Variants in CEP57L1 observed in about 807,000 individuals in gnomAD.
CEP57L1 encodes centrosomal protein CEP57L1.
Under a neutral mutation model 61.0 loss-of-function variants are expected in CEP57L1, and 37 were observed. The ratio of observed to expected loss-of-function variants is 0.61; its 90% CI spans 0.47 to 0.80. The LOEUF is 0.80. CEP57L1 is among the 30% of genes least tolerant of loss of function. The pLI is 0.00. For synonymous variants in CEP57L1, 137 were observed against 162.3 expected (o/e 0.84, Z 1.19); for missense variants, 422 against 524.7 (o/e 0.80, Z 1.91).
rs1781588125 is a variant in CEP57L1, at chr6:109,095,567, G to A, written c.-12G>A. Reference sequence around the variant, plus strand: ...GCGGTGGCAGGGGCTGACTGAGAGCGTCTGCTTGGTAAGCACTGTAAGCTG... The same window carrying A: ...GCGGTGGCAGGGGCTGACTGAGAGCATCTGCTTGGTAAGCACTGTAAGCTG... On this transcript the variant is annotated 5_prime_UTR_variant, in exon 1 of 11. Coordinates refer to ENST00000517392, the MANE Select transcript of CEP57L1 (RefSeq NM_001271852.3). The A allele has an allele frequency of 2.0e-6, 2 of 985,712 alleles. No homozygotes were observed. Among genetic ancestry groups the A allele is most frequent in the African/African-American group, 1.7e-5 (1 of 57,232 alleles). 61.1% of individuals were successfully genotyped at this position (985,712 alleles called of 1,614,324 possible). A position where few individuals can be genotyped will look rare whatever the true frequency, so the allele number is the denominator to read the frequency against.
rs963188888 is a variant in CEP57L1, at chr6:109,166,772, G to A, written c.*3802G>A. 6.6e-6 allele frequency among the ~76,000 whole-genome samples: 1 copy of A among 152,096 alleles called. No homozygotes were observed. Among genetic ancestry groups the A allele is most frequent in the Non-Finnish European group, 1.5e-5 (1 of 68,010 alleles). On this transcript the variant is annotated 3_prime_UTR_variant, in exon 11 of 11. Coordinates refer to ENST00000517392, the MANE Select transcript of CEP57L1 (RefSeq NM_001271852.3). ...AGAAATCAATCTAAGGGGGGAAGAG[G>A]CCAGTTGGTTATGCACAATGGAAGG...
intron 1 of CEP57L1, among the ~76,000 whole-genome samples, chr6:109,108,999 G>C (rs959042441): frequency 3.9e-5 from 6 of 152,124 alleles, no homozygotes; most frequent in African/African-American, 1.4e-4. Flanking sequence ...TAATAGGAGA[G>C]TCTCTTTCTC....
chr6:109,134,714 G>A (rs1423287630), intron 1 of CEP57L1, among the ~76,000 whole-genome samples: 1 of 152,168 alleles, frequency 6.6e-6, no homozygotes, highest in African/African-American at 2.4e-5. Flanking sequence ...CTTCAGCAAA[G>A]TCTCAGGATA....
In CEP57L1 at chr6:109,151,493, T is replaced by C. The variant is rs553693896; in HGVS notation, c.462+1254T>C. On this transcript the variant is annotated intron_variant, in intron 4 of 10. Transcript: ENST00000517392. ...CTTCCTCTTATTCCCCTTTGTGCTA[T>C]AGTTTTCATACATTTTATTTCTGCA... Among the ~76,000 whole-genome samples, 13 of 152,320 alleles carry C rather than the reference T, an allele frequency of 8.5e-5. No individual in the cohort carries two copies. In the South Asian group the frequency reaches 2.7e-3, roughly 32 times the overall value.
chr6:109,143,583 T>G (rs1393057236), intron 1 of CEP57L1, among the ~76,000 whole-genome samples: 2 of 152,150 alleles, frequency 1.3e-5, no homozygotes, highest in African/African-American at 4.8e-5. Context: ...GTCTACACAT[T>G]TAATTTAAAT....
intron 3 of CEP57L1, among the ~76,000 whole-genome samples, chr6:109,149,259 C>T (rs928014986): frequency 5.5e-4 from 84 of 152,274 alleles, no homozygotes; most frequent in Non-Finnish European, 2.9e-5. Flanking sequence ...TTAGGTCTAA[C>T]GTTTAAGTCT....
intron 1 of CEP57L1, among the ~76,000 whole-genome samples, chr6:109,097,571 A>G (rs1354905734): frequency 2.0e-5 from 3 of 152,122 alleles, no homozygotes; most frequent in Non-Finnish European, 2.9e-5. Context: ...AGTCCCTTTT[A>G]TATAACAGGA....
chr6:109,130,077 A>G (rs1265560075), intron 1 of CEP57L1, among the ~76,000 whole-genome samples: 1 of 152,144 alleles, frequency 6.6e-6, no homozygotes, highest in Non-Finnish European at 1.5e-5. Context: ...GGCTTTCTGC[A>G]TATGCTTTTG....
chr6:109,163,010 G>A lies in CEP57L1; in HGVS notation c.*40G>A. The A allele has an allele frequency of 7.7e-7, 1 of 1,291,632 alleles. No homozygotes were observed. Among genetic ancestry groups the A allele is most frequent in the Non-Finnish European group, 1.1e-6 (1 of 894,130 alleles). 80.0% of individuals were successfully genotyped at this position (1,291,632 alleles called of 1,614,324 possible). A position where few individuals can be genotyped will look rare whatever the true frequency, so the allele number is the denominator to read the frequency against. On this transcript the variant is annotated 3_prime_UTR_variant, in exon 11 of 11. Coordinates refer to ENST00000517392, the MANE Select transcript of CEP57L1 (RefSeq NM_001271852.3). ...TGTCACCTTAATGAACTTTGTCAGT[G>A]AGACCTTGAATTGTCTAAAGTGGTT...
rs113248477 is a variant in CEP57L1, at chr6:109,173,424, CTT to C, written c.*10469_*10470del. On this transcript the variant is annotated 3_prime_UTR_variant, in exon 11 of 11. Transcript: ENST00000517392. ...CCCCCTCAGCCCGCCCCCTACCTTT[CTT>C]TTTTTTTTTTTTTTCTTTTCAGGGT... 0.02 allele frequency among the ~76,000 whole-genome samples: 2,729 copies of C among 133,620 alleles called. 82 individuals are homozygous for C. The highest frequency in any genetic ancestry group is 0.071 in the African/African-American group (2,564 of 36,216). 87.7% of individuals were successfully genotyped at this position (133,620 alleles called of 152,430 possible). A position where few individuals can be genotyped will look rare whatever the true frequency, so the allele number is the denominator to read the frequency against.
In CEP57L1 at chr6:109,145,309, C is replaced by T; in HGVS notation, c.88C>T (p.Pro30Ser). The T allele has an allele frequency of 6.2e-7, 1 of 1,609,864 alleles. No individual in the cohort carries two copies. The highest frequency in any genetic ancestry group is 8.5e-7 in the Non-Finnish European group (1 of 1,176,758). Residue 30 changes from proline (P) to serine (S), a missense_variant, in exon 2 of 11, where the codon CCA becomes TCA. By Grantham distance (74) the Pro-to-Ser change is moderately conservative. Coordinates refer to ENST00000517392, the MANE Select transcript of CEP57L1 (RefSeq NM_001271852.3). ...VFVPSFTQNE[P>S]SQNCHPANLE... ...TGTTCCCTCATTCACCCAGAATGAA[C>T]CATCTCAGAATTGCCATCCTGCAAA...
chr6:109,146,700 T>TGATTGTGA, intron 2 of CEP57L1, 58 bp from the exon 3 acceptor site: 1 of 1,138,428 alleles, frequency 8.8e-7, no homozygotes, highest in Non-Finnish European at 1.2e-6. Flanking sequence ...TATGTTACTT[T>TGATTGTGA]GATTGTAAGT....
At chr6:109,148,413 C>A (rs1418209039) in intron 3 of CEP57L1, among the ~76,000 whole-genome samples, 3 of 152,132 alleles carry the variant, frequency 2.0e-5, no homozygotes, top group African/African-American at 7.2e-5. Context: ...ATGATGATTT[C>A]TGATTTCATC....
intron 4 of CEP57L1, among the ~76,000 whole-genome samples, chr6:109,151,066 G>A (rs1378297127): frequency 6.6e-6 from 1 of 152,130 alleles, no homozygotes; most frequent in Non-Finnish European, 1.5e-5. Context: ...ATAATGCTTT[G>A]TATGGTTTAA....
intron 1 of CEP57L1, among the ~76,000 whole-genome samples, chr6:109,101,704 T>C (rs1782438096): frequency 6.7e-6 from 1 of 148,748 alleles, no homozygotes; most frequent in Admixed American, 6.7e-5. Context: ...CACTGCAAAC[T>C]CCGCTGCCGG....
rs914825814 is a variant in CEP57L1, at chr6:109,147,390, G to A, written c.340+453G>A. On this transcript the variant is annotated intron_variant, in intron 3 of 10. Coordinates refer to ENST00000517392, the MANE Select transcript of CEP57L1 (RefSeq NM_001271852.3). ...AAGAATTTTATTTAATGAGAGGAAAGCAAGGTTAATTAGAAGACATAGGCA... is the reference window on the plus strand; with the variant it reads ...AAGAATTTTATTTAATGAGAGGAAAACAAGGTTAATTAGAAGACATAGGCA... 3.3e-5 allele frequency among the ~76,000 whole-genome samples: 5 copies of A among 152,134 alleles called. No homozygotes were observed. In the East Asian group the frequency reaches 9.6e-4, roughly 29 times the overall value.
chr6:109,141,975 CT>C (rs1438145452), intron 1 of CEP57L1, among the ~76,000 whole-genome samples: 2 of 152,172 alleles, frequency 1.3e-5, no homozygotes, highest in African/African-American at 4.8e-5. Context: ...TGACTGCCCC[CT>C]AATGTCGTCT....
intron 1 of CEP57L1, among the ~76,000 whole-genome samples, chr6:109,132,464 T>A (rs1774300373): frequency 6.6e-6 from 1 of 152,196 alleles, no homozygotes; most frequent in Non-Finnish European, 1.5e-5. Context: ...TCATTGTCTT[T>A]GTTAGGACAT....
chr6:109,146,784 C>T lies in CEP57L1; in HGVS notation c.187C>T (p.Gln63Ter). 6.3e-7 allele frequency: 1 copy of T among 1,575,652 alleles called. No homozygotes were observed. The highest frequency in any genetic ancestry group is 1.4e-5 in the African/African-American group (1 of 72,238). Reference protein sequence around the residue: ...QALILALKTLQEKIHRLELER... With the variant: ...QALILALKTL ...TCTTATTTTAGCCTTAAAAACTCTT[C>T]AGGAAAAAATTCATCGTTTAGAGCT... The change falls in exon 3 of 11, where the codon CAG becomes TAG. Residue 63 changes from glutamine to a stop codon, truncating the protein, a stop_gained. Coordinates refer to ENST00000517392, the MANE Select transcript of CEP57L1 (RefSeq NM_001271852.3). LOFTEE classifies it high-confidence loss of function.
Sources: gnomAD v4.1 joint callset for allele counts (sites outside exome capture counted in the v4.1 genomes callset) on GRCh38, gnomAD v4.1.1 for gene constraint, MANE v1.5 for transcripts, NCBI Gene and HGNC (gene_info 2026-07-23, HGNC 2026-07-21) for gene names.